Variants in GRHPR observed in about 807,000 individuals in gnomAD.
GRHPR encodes the protein glyoxylate and hydroxypyruvate reductase, also known as glyoxylate reductase/hydroxypyruvate reductase.
A neutral mutation model predicts 36.8 loss-of-function variants in GRHPR; 35 were observed. The ratio of observed to expected loss-of-function variants is 0.95; its 90% confidence interval spans 0.73 to 1.26. The LOEUF (loss-of-function observed/expected upper bound fraction) is 1.26, where lower values mean the gene tolerates loss of function less well. GRHPR is among the 50% of genes most tolerant of loss of function. The probability of loss-of-function intolerance (pLI) is 0.00; values close to 1 mark genes in which losing one functional copy is unlikely to be tolerated. For missense variants in GRHPR, 380 were observed against 435.0 expected (o/e 0.87, Z 1.12); for synonymous variants, 179 against 181.0 (o/e 0.99, Z 0.09).
intron 4 of GRHPR, chr9:37,428,127 G>C: frequency 2.6e-6 from 1 of 390,288 alleles, no homozygotes. Flanking sequence ...AAAGTGCCAA[G>C]AGAACTTGTT....
chr9:37,437,139 T>C, downstream of GRHPR: 2 of 332,454 alleles, frequency 6.0e-6, no homozygotes, highest in South Asian at 5.3e-5. Context: ...ACCACTCTTT[T>C]TAAATCGCCA....
intron 2 of GRHPR, 122 bp from the exon 3 acceptor site, chr9:37,425,800 C>A (rs1823049118): frequency 1.8e-5 from 13 of 714,060 alleles, no homozygotes; most frequent in Admixed American, 4.1e-5. Flanking sequence ...AACTGAAGAA[C>A]AGAGATGTCA....
upstream of GRHPR, chr9:37,422,539 A>T: frequency 6.8e-6 from 4 of 591,264 alleles, no homozygotes; most frequent in Non-Finnish European, 1.2e-5. Flanking sequence ...ACACACAAGG[A>T]CACTGTGTAG....
chr9:37,434,115 CAG>C (rs1472902914), intron 8 of GRHPR: 3 of 397,656 alleles, frequency 7.5e-6, no homozygotes, highest in African/African-American at 6.2e-5. Flanking sequence ...AGAGGGCAGT[CAG>C]GGCATGAAGC....
At chr9:37,429,935 C>T (rs192247895) in intron 6 of GRHPR, 99 bp downstream of exon 6, 2 of 747,768 alleles carry the variant, frequency 2.7e-6, no homozygotes, top group East Asian at 5.1e-5. Context: ...GGCAGGAGCT[C>T]CAGGCATGTC....
At chr9:37,431,503 C>T (rs567633528) in intron 7 of GRHPR, 18 of 229,074 alleles carry the variant, frequency 7.9e-5, no homozygotes, top group Admixed American at 1.6e-4. Flanking sequence ...TGCCTTCAGT[C>T]GCCGCTCCCT....
chr9:37,428,079 A>G (rs567943120), intron 4 of GRHPR: 38 of 328,522 alleles, frequency 1.2e-4, no homozygotes, highest in African/African-American at 8.1e-4. Context: ...CCAGGGCAGC[A>G]GGGTGGGCCC....
At chr9:37,423,405 T>C (rs900794983) in intron 1 of GRHPR, among the ~76,000 whole-genome samples, 3 of 151,850 alleles carry the variant, frequency 2.0e-5, no homozygotes, top group African/African-American at 7.3e-5. Context: ...ATTCCTGGGC[T>C]CAAGCAATCC....
chr9:37,436,833 C>G lies in GRHPR; in HGVS notation c.*51C>G. ...GAAGCAAACCGTGCCCTGGTATTGT[C>G]AGACACACCCAGGCTTGATTTGGAT... On this transcript the variant is annotated 3_prime_UTR_variant, in exon 9 of 9. Transcript: ENST00000318158. 6.2e-7 allele frequency: 1 copy of G among 1,601,564 alleles called. No homozygotes were observed. Among genetic ancestry groups the G allele is most frequent in the Non-Finnish European group, 8.6e-7 (1 of 1,168,986 alleles).
chr9:37,436,906 T>C lies in GRHPR; in HGVS notation c.*124T>C. 2 of 1,036,474 alleles carry C rather than the reference T, an allele frequency of 1.9e-6. No individual in the cohort carries two copies. The highest frequency in any genetic ancestry group is 3.0e-6 in the Non-Finnish European group (2 of 660,232). 64.2% of individuals were successfully genotyped at this position (1,036,474 alleles called of 1,614,324 possible). The stretch of plus-strand genomic sequence containing the variant: ...GTGTGATTCTCTGAGGAAAGAGTGA[T>C]TCTGATATATGTACTTGTCACATTG... On this transcript the variant is annotated 3_prime_UTR_variant, in exon 9 of 9. Transcript: ENST00000318158.
intron 2 of GRHPR, among the ~76,000 whole-genome samples, chr9:37,425,434 A>G (rs1823033856): frequency 6.6e-6 from 1 of 152,224 alleles, no homozygotes; most frequent in Non-Finnish European, 1.5e-5. Flanking sequence ...CAGTTTTGAG[A>G]AAAGGTTCAG....
At chr9:37,422,586 C>T (rs1588746419), upstream of GRHPR, 3 of 665,414 alleles carry the variant, frequency 4.5e-6, no homozygotes, top group East Asian at 8.3e-5. Flanking sequence ...CACGCACAGT[C>T]ACCGCTCAGC....
chr9:37,431,653 C>T (rs1823373162), intron 7 of GRHPR: 5 of 309,498 alleles, frequency 1.6e-5, no homozygotes, highest in Non-Finnish European at 3.2e-5. Flanking sequence ...ACACAGATGC[C>T]CTTCTGGGCC....
rs1823695311 is a variant in GRHPR, at chr9:37,436,914, T to C, written c.*132T>C. ...CTCTGAGGAAAGAGTGATTCTGATA[T>C]ATGTACTTGTCACATTGGTGTTGGA... On this transcript the variant is annotated 3_prime_UTR_variant, in exon 9 of 9. Coordinates refer to ENST00000318158, the MANE Select transcript of GRHPR (RefSeq NM_012203.2). 2.1e-6 allele frequency: 2 copies of C among 973,320 alleles called. No individual in the cohort carries two copies. Among genetic ancestry groups the C allele is most frequent in the Non-Finnish European group, 3.3e-6 (2 of 606,488 alleles). The allele number at this position is 973,320 out of a possible 1,614,324, so 60.3% of individuals were successfully genotyped here. A position where few individuals can be genotyped will look rare whatever the true frequency, so the allele number is the denominator to read the frequency against.
In GRHPR at chr9:37,422,882, C is replaced by A. The variant is rs748236145; in HGVS notation, c.83+49C>A. The A allele has an allele frequency of 7.7e-4, 1,055 of 1,365,934 alleles. 1 individual carries two copies. In the Middle Eastern group the frequency reaches 8.7e-3, roughly 11 times the overall value. 84.6% of individuals were successfully genotyped at this position (1,365,934 alleles called of 1,614,324 possible). On this transcript the variant is annotated intron_variant, in intron 1 of 8. Coordinates refer to ENST00000318158, the MANE Select transcript of GRHPR (RefSeq NM_012203.2). Reference sequence around the variant, plus strand: ...GGAGGGAGCAGGGCGGTCCCAGGGACCGGAGAGCCGGGCGGGGCGTTTGGG... The same window carrying A: ...GGAGGGAGCAGGGCGGTCCCAGGGAACGGAGAGCCGGGCGGGGCGTTTGGG...
chr9:37,425,171 G>A (rs1368436291), intron 2 of GRHPR, among the ~76,000 whole-genome samples, 196 bp downstream of exon 2: 3 of 152,170 alleles, frequency 2.0e-5, no homozygotes, highest in Non-Finnish European at 4.4e-5. Flanking sequence ...CCCTTGGCGG[G>A]GGACCCTAGG....
At chr9:37,437,379 A>C (rs1342012593), downstream of GRHPR, among the ~76,000 whole-genome samples, 2 of 152,160 alleles carry the variant, frequency 1.3e-5, no homozygotes, top group Non-Finnish European at 2.9e-5. Flanking sequence ...GAACGTGTCC[A>C]AACCACCTTA....
downstream of GRHPR, among the ~76,000 whole-genome samples, chr9:37,437,776 G>A (rs1379307707): frequency 6.6e-6 from 1 of 152,018 alleles, no homozygotes. Flanking sequence ...CTGTGCTCAA[G>A]GAATCAGCTT....
intron 5 of GRHPR, 192 bp from the exon 6 acceptor site, chr9:37,429,540 A>G (rs1823248017): frequency 1.5e-6 from 1 of 669,670 alleles, no homozygotes; most frequent in African/African-American, 1.8e-5. Context: ...TCCCTGGGGC[A>G]GTGTGGGCTG....
Sources: gnomAD v4.1 joint callset for allele counts (sites outside exome capture counted in the v4.1 genomes callset) on GRCh38, gnomAD v4.1.1 for gene constraint, MANE v1.5 for transcripts, NCBI Gene and HGNC (gene_info 2026-07-23, HGNC 2026-07-21) for gene names.